CDK14: variants seen among roughly 807,000 people sequenced by gnomAD.
The protein encoded by CDK14 is cyclin dependent kinase 14, also known as cyclin-dependent kinase 14.
In CDK14, 34 loss-of-function variants were observed where a neutral mutation model predicts 60.7. That is an observed-to-expected ratio of 0.56 (90% CI 0.43 to 0.75). The LOEUF is 0.75. Among genes scored for constraint, CDK14 ranks in the 30% least tolerant of loss-of-function variants. The pLI is 0.00. For missense variants in CDK14, 482 were observed against 564.1 expected, an observed-to-expected ratio of 0.85 and a Z score of 1.47; for synonymous variants, 197 against 203.7, an observed-to-expected ratio of 0.97 and a Z score of 0.28.
intron 12 of CDK14, among the ~76,000 whole-genome samples, chr7:91,089,750 A>G (rs1374422851): frequency 6.6e-6 from 1 of 152,156 alleles, no homozygotes; most frequent in Non-Finnish European, 1.5e-5. Flanking sequence ...AATATTTTTT[A>G]TGAATTGGCT....
intron 4 of CDK14, among the ~76,000 whole-genome samples, chr7:90,786,926 C>CAAAAAAAAA (rs34902431): frequency 1.1e-5 from 1 of 87,758 alleles, no homozygotes; most frequent in Non-Finnish European, 2.2e-5. Flanking sequence ...ACCCTGTCTC[C>CAAAAAAAAA]AAAAAAAAAA....
intron 2 of CDK14, chr7:90,709,748 C>G: frequency 7.1e-7 from 1 of 1,417,468 alleles, no homozygotes; most frequent in Admixed American, 3.2e-5. Flanking sequence ...CTGAGATTAG[C>G]TTCTCTTAGG....
intron 5 of CDK14, among the ~76,000 whole-genome samples, chr7:90,815,775 G>A (rs1018608691): frequency 6.6e-6 from 1 of 152,184 alleles, no homozygotes; most frequent in Non-Finnish European, 1.5e-5. Flanking sequence ...CAGGGACATG[G>A]ATGAAGCTGG....
intron 10 of CDK14, among the ~76,000 whole-genome samples, chr7:91,003,458 A>T (rs4728951): frequency 6.6e-6 from 1 of 152,076 alleles, no homozygotes; most frequent in African/African-American, 2.4e-5. Context: ...CAAAAATGAC[A>T]TGTCTTAGAA....
intron 14 of CDK14, among the ~76,000 whole-genome samples, chr7:91,122,255 T>G (rs549909109): frequency 6.6e-6 from 1 of 151,364 alleles, no homozygotes; most frequent in East Asian, 2.0e-4. Flanking sequence ...TTTCTGCAAA[T>G]CCACATTATG....
At chr7:91,177,336 A>G (rs1158112953) in intron 14 of CDK14, among the ~76,000 whole-genome samples, 1 of 143,328 alleles carries the variant, frequency 7.0e-6, no homozygotes, top group Non-Finnish European at 1.5e-5. Flanking sequence ...ATCTATGACA[A>G]ACCCACAGCC....
intron 14 of CDK14, among the ~76,000 whole-genome samples, chr7:91,150,181 G>A (rs1262574398): frequency 6.6e-6 from 1 of 152,200 alleles, no homozygotes; most frequent in Non-Finnish European, 1.5e-5. Context: ...TGGTCAGGAG[G>A]AAGTGGAAGG....
At chr7:90,897,532 A>T (rs1792376192) in intron 6 of CDK14, among the ~76,000 whole-genome samples, 1 of 152,036 alleles carries the variant, frequency 6.6e-6, no homozygotes, top group Admixed American at 6.6e-5. Flanking sequence ...CCTTATTTTT[A>T]TCTATTATAT....
intron 14 of CDK14, among the ~76,000 whole-genome samples, chr7:91,168,323 A>C (rs1464816230): frequency 6.6e-6 from 1 of 152,156 alleles, no homozygotes; most frequent in Non-Finnish European, 1.5e-5. Context: ...AAATAAATTA[A>C]CTTTTGTAAT....
chr7:90,770,771 G>A (rs1804754391), intron 4 of CDK14, among the ~76,000 whole-genome samples: 1 of 152,108 alleles, frequency 6.6e-6, no homozygotes. Flanking sequence ...CTTTTGACAT[G>A]CCTACAACTG....
intron 14 of CDK14, among the ~76,000 whole-genome samples, chr7:91,155,982 A>G (rs1196524049): frequency 6.6e-6 from 1 of 152,218 alleles, no homozygotes; most frequent in Non-Finnish European, 1.5e-5. Context: ...TAAAAACTCT[A>G]TCACTAATTT....
At chr7:91,078,580 G>C (rs1417288757) in intron 11 of CDK14, among the ~76,000 whole-genome samples, 1 of 152,038 alleles carries the variant, frequency 6.6e-6, no homozygotes, top group African/African-American at 2.4e-5. Context: ...GCACTACAGC[G>C]TGGGCAACAG....
chr7:91,020,564 G>A (rs778785932), intron 10 of CDK14, among the ~76,000 whole-genome samples: 10 of 152,152 alleles, frequency 6.6e-5, no homozygotes, highest in East Asian at 1.9e-4. Flanking sequence ...TAAGACAAGC[G>A]AAATAATTCA....
At chr7:90,829,140 A>AC (rs1789823586) in intron 5 of CDK14, among the ~76,000 whole-genome samples, 1 of 152,080 alleles carries the variant, frequency 6.6e-6, no homozygotes, top group South Asian at 2.1e-4. Flanking sequence ...GAGGGAAACT[A>AC]CCCCCATGTA....
chr7:91,082,102 CTATT>C (rs907664390), intron 12 of CDK14, among the ~76,000 whole-genome samples: 13 of 152,148 alleles, frequency 8.5e-5, no homozygotes, highest in African/African-American at 2.9e-4. Context: ...CCAAATCTCT[CTATT>C]TATAGTTGTC....
intron 2 of CDK14, among the ~76,000 whole-genome samples, chr7:90,630,939 G>T (rs1799983503): frequency 7.2e-6 from 1 of 137,980 alleles, no homozygotes; most frequent in African/African-American, 2.7e-5. Flanking sequence ...ACATATGAAA[G>T]ACAATAAAAG....
At chr7:90,783,888 A>T (rs1805454546) in intron 4 of CDK14, among the ~76,000 whole-genome samples, 1 of 152,114 alleles carries the variant, frequency 6.6e-6, no homozygotes, top group South Asian at 2.1e-4. Context: ...AAAAAACTAG[A>T]ACTACCATAT....
intron 14 of CDK14, among the ~76,000 whole-genome samples, chr7:91,159,936 C>T (rs2115736767): frequency 6.6e-6 from 1 of 152,260 alleles, no homozygotes. Flanking sequence ...CTCTTGTTTT[C>T]AGCTTCTTAA....
intron 12 of CDK14, among the ~76,000 whole-genome samples, chr7:91,090,011 C>CT (rs1798754299): frequency 2.0e-5 from 3 of 152,168 alleles, no homozygotes; most frequent in African/African-American, 7.2e-5. Flanking sequence ...ACATCCTTTG[C>CT]TTTTAGCTTG....
Sources: gnomAD v4.1 joint callset for allele counts (sites outside exome capture counted in the v4.1 genomes callset) on GRCh38, gnomAD v4.1.1 for gene constraint, MANE v1.5 for transcripts, NCBI Gene and HGNC (gene_info 2026-07-23, HGNC 2026-07-21) for gene names.